PAFAH2: variants seen among roughly 807,000 people sequenced by gnomAD.
PAFAH2 encodes platelet activating factor acetylhydrolase 2, also known as platelet-activating factor acetylhydrolase 2, cytoplasmic.
Under a neutral mutation model 49.0 loss-of-function variants are expected in PAFAH2, and 42 were observed. That is an observed-to-expected ratio of 0.86 (90% CI 0.67 to 1.11). PAFAH2 has a LOEUF of 1.11. PAFAH2 is among the 50% of genes least tolerant of loss of function. The pLI, the probability that PAFAH2 is intolerant of heterozygous loss-of-function variation, is 0.00. For synonymous variants in PAFAH2, 184 were observed against 181.3 expected (o/e 1.01, Z -0.12); for missense variants, 503 against 501.8 (o/e 1.00, Z -0.02).
At chr1:25,980,377 C>T (rs1382184424) in intron 7 of PAFAH2, among the ~76,000 whole-genome samples, 1 of 151,370 alleles carries the variant, frequency 6.6e-6, no homozygotes, top group Admixed American at 6.6e-5. Context: ...GGCTGGAGTA[C>T]AATGGCGCGA....
intron 1 of PAFAH2, among the ~76,000 whole-genome samples, chr1:25,991,305 G>A (rs557527991): frequency 4.6e-5 from 7 of 151,102 alleles, no homozygotes; most frequent in East Asian, 2.0e-4. Context: ...TTTTTGAGAC[G>A]GAGTCTCGCT....
At chr1:25,979,769 C>T (rs183931262) in intron 7 of PAFAH2, among the ~76,000 whole-genome samples, 2 of 152,268 alleles carry the variant, frequency 1.3e-5, no homozygotes, top group East Asian at 1.9e-4. Flanking sequence ...GGATTACAGG[C>T]GTGAGCCACC....
In PAFAH2 at chr1:25,960,602, A is replaced by G. The variant is rs573290219; in HGVS notation, c.*1387T>C. 1 of 152,706 alleles carries G rather than the reference A, an allele frequency of 6.5e-6. No homozygotes were observed. The highest frequency in any genetic ancestry group is 2.1e-4 in the South Asian group (1 of 4,824). 9.5% of individuals were successfully genotyped at this position (152,706 alleles called of 1,614,324 possible). A position where few individuals can be genotyped will look rare whatever the true frequency, so the allele number is the denominator to read the frequency against. On this transcript the variant is annotated 3_prime_UTR_variant, in exon 11 of 11. Transcript: ENST00000374282. ...TTAATATCATTCATATTATAAACAG[A>G]ACAGAATGGAAATTCAGTCTGTATC...
intron 10 of PAFAH2, chr1:25,964,423 T>C (rs1266061459): frequency 1.3e-5 from 2 of 152,172 alleles, no homozygotes; most frequent in African/African-American, 2.4e-5. Context: ...GGTGGTGATT[T>C]TTCTGGGTGC....
chr1:25,996,952 C>T (rs970485509), intron 1 of PAFAH2, among the ~76,000 whole-genome samples: 1 of 152,230 alleles, frequency 6.6e-6, no homozygotes, highest in Non-Finnish European at 1.5e-5. Flanking sequence ...TTCCCAGCAG[C>T]CTTTTCAGGC....
chr1:25,967,182 T>C (rs1157912981), intron 10 of PAFAH2, among the ~76,000 whole-genome samples: 1 of 151,976 alleles, frequency 6.6e-6, no homozygotes, highest in Non-Finnish European at 1.5e-5. Context: ...CAATTCCATG[T>C]GTATTTTGAA....
chr1:25,989,692 A>G, intron 2 of PAFAH2, 91 bp from the exon 3 acceptor site: 1 of 1,056,962 alleles, frequency 9.5e-7, no homozygotes. Flanking sequence ...GGGCACCAGC[A>G]AAACAGGGCA....
chr1:25,983,863 G>A lies in PAFAH2; in HGVS notation c.552+83C>T. The A allele has an allele frequency of 1.6e-5, 23 of 1,446,236 alleles. 1 individual carries two copies. The South Asian group carries it at 1.8e-4, about 11-fold the overall frequency. 89.6% of individuals were successfully genotyped at this position (1,446,236 alleles called of 1,614,324 possible). ...CACTATGACTGACATTTCAAGAGAG[G>A]GTTAACTAAAAGTCTTGCTATCAAA... is the stretch of plus-strand genomic sequence containing the variant. On this transcript the variant is annotated intron_variant, in intron 6 of 10. Transcript: ENST00000374282.
intron 6 of PAFAH2, 77 bp downstream of exon 6, chr1:25,983,869 C>T: frequency 1.3e-6 from 2 of 1,506,512 alleles, no homozygotes; most frequent in Non-Finnish European, 1.8e-6. Flanking sequence ...AGAGGGTTAA[C>T]TAAAAGTCTT....
At position 25,989,710 on chromosome 1, in the gene PAFAH2, A is replaced by C. The variant is rs2049846209; in HGVS notation, c.91-109T>G. ...CACCAGCAAAACAGGGCACCAAAACAGGGAAACTGAAGTTTCAATTAGCAT... is the reference window on the plus strand; with the variant it reads ...CACCAGCAAAACAGGGCACCAAAACCGGGAAACTGAAGTTTCAATTAGCAT... On this transcript the variant is annotated intron_variant, in intron 2 of 10. Coordinates refer to ENST00000374282, the MANE Select transcript of PAFAH2 (RefSeq NM_000437.4). 21 of 859,228 alleles carry C rather than the reference A, an allele frequency of 2.4e-5. No homozygotes were observed. The South Asian group carries it at 8.4e-4, about 34-fold the overall frequency. 53.2% of individuals were successfully genotyped at this position (859,228 alleles called of 1,614,324 possible). A position where few individuals can be genotyped will look rare whatever the true frequency, so the allele number is the denominator to read the frequency against.
intron 10 of PAFAH2, 39 bp from the exon 11 acceptor site, chr1:25,962,122 G>C (rs367684862): frequency 6.5e-7 from 1 of 1,527,104 alleles, no homozygotes; most frequent in African/African-American, 1.4e-5. Flanking sequence ...GCAAATCATT[G>C]TGAGGTTTGG....
At chr1:25,968,586 C>T (rs1416037326) in intron 10 of PAFAH2, among the ~76,000 whole-genome samples, 5 of 152,118 alleles carry the variant, frequency 3.3e-5, no homozygotes, top group African/African-American at 1.2e-4. Flanking sequence ...CAAACAAGTG[C>T]TCTCAGAAGG....
At chr1:25,987,125 C>T (rs1391922040) in intron 4 of PAFAH2, among the ~76,000 whole-genome samples, 1 of 151,380 alleles carries the variant, frequency 6.6e-6, no homozygotes. Flanking sequence ...ATCCCAGCTA[C>T]TTGGAGGCTG....
rs116685257 is a variant in PAFAH2, at chr1:25,976,687, T to C, written c.753A>G (p.Gln251=). The change falls in exon 8 of 11, where the codon CAA becomes CAG. Residue 251 remains glutamine (Q), a synonymous_variant. Transcript: ENST00000374282. ...AACACTACTAGGAAACTCACCGAAATTGGGTCTCCTTGGCCAAAGCCAGAA... is the reference window on the plus strand; with the variant it reads ...AACACTACTAGGAAACTCACCGAAACTGGGTCTCCTTGGCCAAAGCCAGAA... ...TAILALAKET[Q]FRCAVALDAW... is the part of the protein sequence containing the mutation. 920 of 1,613,036 alleles carry C rather than the reference T, an allele frequency of 5.7e-4. 3 individuals are homozygous for C. In the African/African-American group the frequency reaches 8.1e-3, roughly 14 times the overall value.
chr1:25,967,198 A>G (rs932526624), intron 10 of PAFAH2, among the ~76,000 whole-genome samples: 2 of 152,128 alleles, frequency 1.3e-5, no homozygotes, highest in Non-Finnish European at 2.9e-5. Context: ...TTGAAGGTAG[A>G]GCCAATAGGA....
chr1:25,970,513 A>G (rs72882818), intron 10 of PAFAH2, among the ~76,000 whole-genome samples: 1,600 of 152,266 alleles, frequency 0.011, 19 homozygotes, highest in African/African-American at 0.037. Context: ...CAGAGCACAG[A>G]AGAGACTGTC....
At chr1:25,968,461 G>A (rs576779609) in intron 10 of PAFAH2, among the ~76,000 whole-genome samples, 1 of 152,082 alleles carries the variant, frequency 6.6e-6, no homozygotes, top group Non-Finnish European at 1.5e-5. Flanking sequence ...GAGAAAAAAG[G>A]TGTGAAATAG....
In PAFAH2 at chr1:25,974,561, TCAGTATTGATAAAGAACA is replaced by T. The variant is rs2049559654; in HGVS notation, c.830_847del (p.Val277_Thr282del). 6.2e-7 allele frequency: 1 copy of T among 1,613,970 alleles called. No homozygotes were observed. Among genetic ancestry groups the T allele is most frequent in the Admixed American group, 1.7e-5 (1 of 60,002 alleles). ...GACACTCTCCATTGTCTGGAATTTCTCAGTATTGATAAAGAACACAGGTCCTCGGGCCTTGGGGTAAAA... is the reference window on the plus strand; with the variant it reads ...GACACTCTCCATTGTCTGGAATTTCTCAGGTCCTCGGGCCTTGGGGTAAAA... On this transcript the variant is annotated inframe_deletion, in exon 9 of 11. Transcript: ENST00000374282.
At chr1:25,969,312 C>CCTA (rs930363730) in intron 10 of PAFAH2, among the ~76,000 whole-genome samples, 3 of 152,202 alleles carry the variant, frequency 2.0e-5, no homozygotes, top group Admixed American at 1.3e-4. Flanking sequence ...AGCCCCCTTT[C>CCTA]CTAGCTGTTC....
Sources: allele counts gnomAD v4.1 joint callset (sites outside exome capture counted in the v4.1 genomes callset), GRCh38; gene constraint gnomAD v4.1.1; transcripts MANE v1.5; gene names NCBI Gene and HGNC (gene_info 2026-07-23, HGNC 2026-07-21).